Variants in USP43 observed in about 807,000 individuals in gnomAD.
USP43 encodes ubiquitin carboxyl-terminal hydrolase 43.
Under a neutral mutation model 90.7 loss-of-function variants are expected in USP43, and 33 were observed. That is an observed-to-expected ratio of 0.36 (90% CI 0.28 to 0.49). The LOEUF (loss-of-function observed/expected upper bound fraction) is 0.49. Ranked by LOEUF, USP43 falls within the 20% of genes least tolerant of loss-of-function variation. The probability of loss-of-function intolerance (pLI) is 0.98; values close to 1 mark genes in which losing one functional copy is unlikely to be tolerated. For synonymous variants in USP43, 598 were observed against 615.8 expected, an observed-to-expected ratio of 0.97 and a Z score of 0.43; for missense variants, 1,274 against 1,476.4, an observed-to-expected ratio of 0.86 and a Z score of 2.25.
intron 14 of USP43, 66 bp from the exon 15 acceptor site, chr17:9,727,888 C>T (rs899264843): frequency 4.8e-5 from 73 of 1,520,862 alleles, no homozygotes; most frequent in Non-Finnish European, 5.8e-5. Flanking sequence ...GCTCAGTGAA[C>T]GTTAGATGAC....
chr17:9,674,981 G>A lies in USP43; in HGVS notation c.831G>A (p.Thr277=), dbSNP rs548201283. The change falls in exon 4 of 15, where the codon ACG becomes ACA. Residue 277 remains threonine (T), a splice_region_variant and synonymous_variant. Transcript: ENST00000285199. The surrounding 1 kb of genome is among the most constrained non-coding windows in gnomAD (Gnocchi z 4.4). ...CVSLPIPLRQ[T]RFLSVTLVFP... is the part of the protein sequence containing the mutation. ...CCCTACCTATCCCCTTGCGCCAGAC[G>A]AGGTACGTGAGTGTCGCGGCTTGCC... 12 of 1,613,562 alleles carry A rather than the reference G, an allele frequency of 7.4e-6. No individual in the cohort carries two copies. The highest frequency in any genetic ancestry group is 2.2e-5 in the East Asian group (1 of 44,876).
intron 5 of USP43, among the ~76,000 whole-genome samples, chr17:9,677,450 A>G (rs1913858608): frequency 6.6e-6 from 1 of 152,248 alleles, no homozygotes; most frequent in Non-Finnish European, 1.5e-5. Context: ...TGCTGAGAGA[A>G]CTGAGGATGT....
intron 9 of USP43, among the ~76,000 whole-genome samples, chr17:9,699,877 G>A (rs1915472648): frequency 6.6e-6 from 1 of 152,190 alleles, no homozygotes; most frequent in South Asian, 2.1e-4. Flanking sequence ...TGAGAAGGTA[G>A]CTGGGGCTGC....
At chr17:9,703,816 C>T (rs1915714440) in intron 12 of USP43, among the ~76,000 whole-genome samples, 1 of 152,178 alleles carries the variant, frequency 6.6e-6, no homozygotes, top group Admixed American at 6.5e-5. Flanking sequence ...GTAGCTTCTG[C>T]CCTGCCGAGA....
chr17:9,669,341 CAATT>C (rs940914974), intron 3 of USP43, among the ~76,000 whole-genome samples: 2 of 152,174 alleles, frequency 1.3e-5, no homozygotes, highest in African/African-American at 4.8e-5. Flanking sequence ...TGTGCTTGTA[CAATT>C]AATTCACCTA....
chr17:9,659,285 C>CAGAGTA (rs138039124), intron 2 of USP43, among the ~76,000 whole-genome samples: 599 of 152,260 alleles, frequency 3.9e-3, no homozygotes, highest in African/African-American at 0.014. Context: ...CTACCTGACA[C>CAGAGTA]AGAGTAGACA....
intron 7 of USP43, among the ~76,000 whole-genome samples, chr17:9,683,420 G>A (rs534859350): frequency 6.6e-6 from 1 of 150,934 alleles, no homozygotes; most frequent in Admixed American, 6.6e-5. Context: ...TTAAAAGACA[G>A]AATTACATTA....
At chr17:9,645,377 C>T, upstream of USP43, 1 of 261,412 alleles carries the variant, frequency 3.8e-6, no homozygotes, top group Non-Finnish European at 7.1e-6. This position sits in a 1 kb window ranked among gnomAD's most constrained non-coding sequence, Gnocchi z 6.8. Context: ...CACGAAGACT[C>T]CCAGTCAGCG....
chr17:9,656,363 G>A (rs1222097446), intron 1 of USP43, 40 bp from the exon 2 acceptor site: 1 of 1,597,002 alleles, frequency 6.3e-7, no homozygotes, highest in South Asian at 1.1e-5. Flanking sequence ...GGTTGTATAA[G>A]GGGCCAAATT....
rs2151979148 is a variant in USP43 at position 9,686,495 on chromosome 17, A to G, written c.1242-303A>G. On this transcript the variant is annotated intron_variant, in intron 7 of 14. Transcript: ENST00000285199. This position sits in a 1 kb window ranked among gnomAD's most constrained non-coding sequence, Gnocchi z 5.5. ...ATTTCTTGTCTTTTTGATAATAGCC[A>G]TCCTAACTGGGGTAAGATGATATCT... 6.6e-6 allele frequency among the ~76,000 whole-genome samples: 1 copy of G among 152,284 alleles called. No homozygotes were observed.
At chr17:9,661,501 A>G (rs1912635548) in intron 2 of USP43, among the ~76,000 whole-genome samples, 1 of 152,044 alleles carries the variant, frequency 6.6e-6, no homozygotes, top group African/African-American at 2.4e-5. Flanking sequence ...CTGTGACTAC[A>G]GGGATGCACC....
In USP43 at chr17:9,681,184, AC is replaced by A. The variant is rs1433083014; in HGVS notation, c.1105+819del. Among the ~76,000 whole-genome samples, 575 of 60,284 alleles carry A rather than the reference AC, an allele frequency of 9.5e-3. 61 individuals are homozygous for A. The highest frequency in any genetic ancestry group is 0.031 in the African/African-American group (291 of 9,490). The allele number at this position is 60,284 out of a possible 152,430, so 39.5% of individuals were successfully genotyped here. A position where few individuals can be genotyped will look rare whatever the true frequency, so the allele number is the denominator to read the frequency against. On this transcript the variant is annotated intron_variant, in intron 6 of 14. Coordinates refer to ENST00000285199, the MANE Select transcript of USP43 (RefSeq NM_153210.5). ...CTATATAATATATACTATATAATAT[AC>A]TATATAATATATACTATATAATATA...
rs1237936959 is a variant in USP43, at chr17:9,645,908, C to T, written c.276C>T (p.Gly92=). ...GPQPQLQLPA[G]DGARPPGAQG... The stretch of plus-strand genomic sequence containing the variant: ...AGCCCCAGCTCCAGCTCCCCGCCGG[C>T]GATGGGGCGCGGCCGCCGGGCGCTC... Residue 92 remains glycine, a synonymous_variant, in exon 1 of 15, where the codon GGC becomes GGT. Transcript: ENST00000285199. This position sits in a 1 kb window ranked among gnomAD's most constrained non-coding sequence, Gnocchi z 6.8. 4.1e-6 allele frequency: 6 copies of T among 1,469,452 alleles called. No homozygotes were observed. The highest frequency in any genetic ancestry group is 2.7e-5 in the Admixed American group (1 of 36,536). The allele number at this position is 1,469,452 out of a possible 1,614,324, so 91.0% of individuals were successfully genotyped here.
In USP43 at chr17:9,701,656, C is replaced by T. The variant is rs866943834; in HGVS notation, c.1967C>T (p.Ala656Val). ...YPLDFLYDLY[A>V]VCNHHGNLQG... ...CTGGACTTCCTGTACGACCTGTATG[C>T]CGTCTGCAACCACCATGGCAACCTG... is the stretch of plus-strand genomic sequence containing the variant. Residue 656 changes from alanine (A) to valine (V), a missense_variant, in exon 12 of 15, where the codon GCC becomes GTC. Ala to Val is a moderately conservative substitution (Grantham distance 64). Transcript: ENST00000285199. The surrounding 1 kb of genome is among the most constrained non-coding windows in gnomAD (Gnocchi z 7.2). 6.3e-7 allele frequency: 1 copy of T among 1,584,792 alleles called. No homozygotes were observed. Among genetic ancestry groups the T allele is most frequent in the Admixed American group, 1.8e-5 (1 of 55,900 alleles).
intron 10 of USP43, 42 bp downstream of exon 10, chr17:9,700,291 G>A (rs549708048): frequency 3.2e-6 from 5 of 1,545,804 alleles, no homozygotes; most frequent in Admixed American, 3.9e-5. Flanking sequence ...CTGAGACAGG[G>A]CCTGTGTGTG....
chr17:9,728,575 C>A lies in USP43; in HGVS notation c.2957C>A (p.Ser986Tyr). The part of the protein sequence containing the change: ...GNSKDSRRGT[S>Y]ELDRPLQGTL... ...AGCAAAGACAGTCGCCGAGGCACCT[C>A]TGAGCTAGACAGACCCCTGCAGGGG... is the stretch of plus-strand genomic sequence containing the variant. The change falls in exon 15 of 15, where the codon TCT (serine) becomes TAT (tyrosine). Residue 986 changes from serine to tyrosine, a missense_variant. Ser to Tyr is a moderately radical substitution (Grantham distance 144, BLOSUM62 -2). This residue lies in a region of USP43 where 353 missense variants were observed against 329.7 expected (regional missense o/e 1.07). Coordinates refer to ENST00000285199, the MANE Select transcript of USP43 (RefSeq NM_153210.5). This position sits in a 1 kb window ranked among gnomAD's most constrained non-coding sequence, Gnocchi z 6.2. 1 of 1,614,020 alleles carries A rather than the reference C, an allele frequency of 6.2e-7. No individual in the cohort carries two copies. The highest frequency in any genetic ancestry group is 8.5e-7 in the Non-Finnish European group (1 of 1,179,900).
In USP43 at chr17:9,718,302, A is replaced by G. The variant is rs140615004; in HGVS notation, c.2335+6170A>G. Among the ~76,000 whole-genome samples the G allele has an allele frequency of 5.5e-3, 843 of 152,232 alleles. 6 individuals are homozygous for G. The highest frequency in any genetic ancestry group is 0.019 in the African/African-American group (792 of 41,548). ...AGAGCCTATCCGTGATGCTGCAAAG[A>G]TTTACTACACCAGGCATGTACCAGA... On this transcript the variant is annotated intron_variant, in intron 14 of 14. Coordinates refer to ENST00000285199, the MANE Select transcript of USP43 (RefSeq NM_153210.5).
At chr17:9,682,782 T>C in intron 6 of USP43, 41 bp from the exon 7 acceptor site, 1 of 1,598,454 alleles carries the variant, frequency 6.3e-7, no homozygotes, top group South Asian at 1.1e-5. Context: ...GGAAAGCAGC[T>C]CCTTTAGGAA....
At position 9,701,126 on chromosome 17, in the gene USP43, G is replaced by A. The variant is rs779338509; in HGVS notation, c.1543G>A (p.Gly515Arg). 8 of 1,472,212 alleles carry A rather than the reference G, an allele frequency of 5.4e-6. No individual in the cohort carries two copies. The highest frequency in any genetic ancestry group is 4.9e-5 in the East Asian group (2 of 40,708). The allele number at this position is 1,472,212 out of a possible 1,614,324, so 91.2% of individuals were successfully genotyped here. ...GGTGTCCTCTCCGTGCAGCCTGTTC[G>A]GGAGCCTCCAGGAGGAGCGAGCGCA... ...WDSSVKERLF[G>R]SLQEERAQDA... is the part of the protein sequence containing the mutation. The change falls in exon 11 of 15, where the codon GGG (glycine) becomes AGG (arginine). Residue 515 changes from glycine to arginine, a missense_variant. Gly to Arg is a moderately radical substitution (Grantham distance 125, BLOSUM62 -2). Around this residue, in one of 6 missense-constraint regions of USP43, gnomAD observed 253 missense variants for 276.0 expected, o/e 0.92. Transcript: ENST00000285199. This position sits in a 1 kb window ranked among gnomAD's most constrained non-coding sequence, Gnocchi z 7.2.
Sources: gnomAD v4.1 joint callset for allele counts (sites outside exome capture counted in the v4.1 genomes callset) on GRCh38, gnomAD v4.1.1 for gene constraint, gnomAD v4.1.1 regional missense constraint, Gnocchi (gnomAD v3.1) non-coding constraint, MANE v1.5 for transcripts, NCBI Gene and HGNC (gene_info 2026-07-23, HGNC 2026-07-21) for gene names.